The following KCNA4 variants were observed in gnomAD, a reference collection of about 807,000 sequenced individuals.
KCNA4 encodes potassium voltage-gated channel subfamily A member 4, also known as cardiac potassium channel.
In KCNA4, 5 loss-of-function variants were observed where a neutral mutation model predicts 37.2. The observed-to-expected ratio is 0.13, with a 90% CI of 0.07 to 0.28. The LOEUF (loss-of-function observed/expected upper bound fraction) is 0.28. Ranked by LOEUF, KCNA4 falls within the 10% of genes least tolerant of loss-of-function variation. The pLI is 1.00. For missense variants in KCNA4, 634 were observed against 817.4 expected (o/e 0.78, Z 2.74); for synonymous variants, 350 against 311.8 (o/e 1.12, Z -1.29).
chr11:30,014,549 C>T lies in KCNA4; in HGVS notation c.-782-1089G>A, dbSNP rs545571373. Among the ~76,000 whole-genome samples the T allele has an allele frequency of 8.6e-5, 13 of 152,040 alleles. 1 individual carries two copies. In the East Asian group the frequency reaches 2.3e-3, roughly 27 times the overall value. ...CTTACCCCCACTTCAATAAAATCCA[C>T]ATCCCTAACATCCCCCCTCCTCTCT... On this transcript the variant is annotated intron_variant, in intron 1 of 1. Coordinates refer to ENST00000328224, the MANE Select transcript of KCNA4 (RefSeq NM_002233.4).
rs1249860626 is a variant in KCNA4 at position 30,012,111 on chromosome 11, G to C, written c.568C>G (p.Gln190Glu). The C allele has an allele frequency of 6.2e-7, 1 of 1,614,156 alleles. No homozygotes were observed. Among genetic ancestry groups the C allele is most frequent in the African/African-American group, 1.3e-5 (1 of 75,048 alleles). The change falls in exon 2 of 2, where the codon CAA becomes GAA. Residue 190 changes from glutamine (Q) to glutamate (E), a missense_variant. By Grantham distance (29) the Gln-to-Glu change is conservative. Transcript: ENST00000328224. ...GGAAACTGGGCCAGAGTTTTCATTT[G>C]GGTCTCAAAGCGTAGGCCTGACACA... ...INVSGLRFETQMKTLAQFPET... is the reference protein window; with the variant it reads ...INVSGLRFETEMKTLAQFPET...
rs1285048225 is a variant in KCNA4, at chr11:30,011,737, G to A, written c.942C>T (p.Val314=). Residue 314 remains valine, a synonymous_variant, in exon 2 of 2, where the codon GTC becomes GTT. Transcript: ENST00000328224. The surrounding 1 kb of genome is among the most constrained non-coding windows in gnomAD (Gnocchi z 5.6). ...SPARGIAIVS[V]LVILISIVIF... The stretch of plus-strand genomic sequence containing the variant: ...TGACAATGGAGATTAAGATGACCAG[G>A]ACGGACACAATGGCTATGCCCCTTG... 6.2e-7 allele frequency: 1 copy of A among 1,613,920 alleles called. No homozygotes were observed. The highest frequency in any genetic ancestry group is 2.2e-5 in the East Asian group (1 of 44,880).
rs767355108 is a variant in KCNA4, at chr11:30,010,692, G to A, written c.*25C>T. ...AAATATATTTGGAGATGCTGAGGGG[G>A]GAGCAGTGGCAGGTGGAAAAAGATT... On this transcript the variant is annotated 3_prime_UTR_variant, in exon 2 of 2. Transcript: ENST00000328224. 1 of 1,568,504 alleles carries A rather than the reference G, an allele frequency of 6.4e-7. No homozygotes were observed. Among genetic ancestry groups the A allele is most frequent in the Non-Finnish European group, 8.6e-7 (1 of 1,160,628 alleles).
chr11:30,015,758 G>C (rs1338508815), intron 1 of KCNA4, among the ~76,000 whole-genome samples: 1 of 152,152 alleles, frequency 6.6e-6, no homozygotes, highest in Non-Finnish European at 1.5e-5. Context: ...CTTGTTAGGA[G>C]AATCTATTCA....
At position 30,012,574 on chromosome 11, in the gene KCNA4, G is replaced by A. The variant is rs570870742; in HGVS notation, c.105C>T (p.His35=). Reference sequence around the variant, plus strand: ...CAGCAGCTGCTGCAGCTGCCCTGGAGTGAGCAAGCCTCTCCCGCTCCCGGG... The same window carrying A: ...CAGCAGCTGCTGCAGCTGCCCTGGAATGAGCAAGCCTCTCCCGCTCCCGGG... The part of the protein sequence containing the change: ...ARARERERLA[H]SRAAAAAAVA... Residue 35 remains histidine, a synonymous_variant, in exon 2 of 2, where the codon CAC becomes CAT. Coordinates refer to ENST00000328224, the MANE Select transcript of KCNA4 (RefSeq NM_002233.4). The A allele has an allele frequency of 5.0e-6, 8 of 1,607,306 alleles. No individual in the cohort carries two copies. In the African/African-American group the frequency reaches 5.3e-5, roughly 11 times the overall value.
At chr11:30,013,761 T>C (rs971076642) in intron 1 of KCNA4, among the ~76,000 whole-genome samples, 3 of 152,210 alleles carry the variant, frequency 2.0e-5, no homozygotes, top group Non-Finnish European at 4.4e-5. Flanking sequence ...TCACCAATGC[T>C]AGGTCTTAAT....
At chr11:30,015,302 C>G (rs543265642) in intron 1 of KCNA4, among the ~76,000 whole-genome samples, 54 of 152,260 alleles carry the variant, frequency 3.5e-4, no homozygotes, top group African/African-American at 1.1e-3. Flanking sequence ...CCGGTACAGA[C>G]CAAATAGCCT....
intron 1 of KCNA4, among the ~76,000 whole-genome samples, chr11:30,013,948 T>A (rs527434802): frequency 2.1e-4 from 32 of 152,196 alleles, no homozygotes; most frequent in African/African-American, 5.5e-4. Flanking sequence ...GAAAAAAAAA[T>A]AATAATATTC....
Position 30,010,616 on chromosome 11 carries a change from T to C in KCNA4, c.*101A>G. 1 of 1,491,368 alleles carries C rather than the reference T, an allele frequency of 6.7e-7. No individual in the cohort carries two copies. Among genetic ancestry groups the C allele is most frequent in the Non-Finnish European group, 9.0e-7 (1 of 1,115,982 alleles). 92.4% of individuals were successfully genotyped at this position (1,491,368 alleles called of 1,614,324 possible). On this transcript the variant is annotated 3_prime_UTR_variant, in exon 2 of 2. Transcript: ENST00000328224. ...AACCATTAAATAGTGTACTACTGTA[T>C]GCATTGGATCATTTGCATATTTCAT...
At chr11:30,013,971 C>T (rs143614074) in intron 1 of KCNA4, among the ~76,000 whole-genome samples, 1 of 152,230 alleles carries the variant, frequency 6.6e-6, no homozygotes, top group Non-Finnish European at 1.5e-5. Flanking sequence ...ATTCTTTGTG[C>T]AGACAGCACC....
chr11:30,011,998 G>A lies in KCNA4; in HGVS notation c.681C>T (p.Ser227=). 17 of 1,614,130 alleles carry A rather than the reference G, an allele frequency of 1.1e-5. No individual in the cohort carries two copies. The highest frequency in any genetic ancestry group is 1.4e-5 in the Non-Finnish European group (17 of 1,180,026). Residue 227 remains serine (S), a synonymous_variant, in exon 2 of 2, where the codon AGC becomes AGT. Coordinates refer to ENST00000328224, the MANE Select transcript of KCNA4 (RefSeq NM_002233.4). This position sits in a 1 kb window ranked among gnomAD's most constrained non-coding sequence, Gnocchi z 5.6. The stretch of plus-strand genomic sequence containing the variant: ...GATAATAATACAAGATGGCATCAAA[G>A]CTGGGGCGGTTCCTGTCAAAAAAAT... ...NEYFFDRNRP[S]FDAILYYYQS...
Position 30,010,965 on chromosome 11 carries a change from C to T in KCNA4, c.1714G>A (p.Glu572Lys), listed in dbSNP as rs1850298060. Residue 572 changes from glutamate to lysine, a missense_variant, in exon 2 of 2, where the codon GAA becomes AAA. Glu to Lys is a moderately conservative substitution (Grantham distance 56). Around this residue, in one of 8 missense-constraint regions of KCNA4, gnomAD observed 91 missense variants for 95.8 expected, o/e 0.95. Coordinates refer to ENST00000328224, the MANE Select transcript of KCNA4 (RefSeq NM_002233.4). Reference sequence around the variant, plus strand: ...GTTAGCTGTGTCTGTTCCTCATTTTCAGTCTCTCTGTGGTAGAAATAGTTA... The same window carrying T: ...GTTAGCTGTGTCTGTTCCTCATTTTTAGTCTCTCTGTGGTAGAAATAGTTA... Reference protein sequence around the residue: ...NFNYFYHRETENEEQTQLTQN... With the variant: ...NFNYFYHRETKNEEQTQLTQN... The T allele has an allele frequency of 6.2e-7, 1 of 1,614,202 alleles. No individual in the cohort carries two copies. The highest frequency in any genetic ancestry group is 8.5e-7 in the Non-Finnish European group (1 of 1,180,036).
In KCNA4 at chr11:30,011,677, G is replaced by A. The variant is rs374525769; in HGVS notation, c.1002C>T (p.Asp334=). The change falls in exon 2 of 2, where the codon GAC becomes GAT. Residue 334 remains aspartate (D), a synonymous_variant. Coordinates refer to ENST00000328224, the MANE Select transcript of KCNA4 (RefSeq NM_002233.4). The surrounding 1 kb of genome is among the most constrained non-coding windows in gnomAD (Gnocchi z 5.6). ...FCLETLPEFR[D]DRDLVMALSA... is the part of the protein sequence containing the mutation. ...TCAGTGCCATGACGAGATCCCTGTC[G>A]TCCCTAAACTCAGGCAAGGTTTCCA... 269 of 1,614,086 alleles carry A rather than the reference G, an allele frequency of 1.7e-4. 1 individual carries two copies. In the African/African-American group the frequency reaches 1.8e-3, roughly 11 times the overall value.
chr11:30,015,981 T>C (rs577917696), intron 1 of KCNA4, among the ~76,000 whole-genome samples: 2 of 151,954 alleles, frequency 1.3e-5, no homozygotes, highest in South Asian at 2.1e-4. Context: ...TGTGTCACTG[T>C]CAGGGTGGTA....
rs753534545 is a variant in KCNA4 at position 30,010,343 on chromosome 11, G to A, written c.*374C>T. The stretch of plus-strand genomic sequence containing the variant: ...TCTTACATAGTAAATACTTCAAAAT[G>A]CCAACTTTTCCCTTCACTGCACAAT... On this transcript the variant is annotated 3_prime_UTR_variant, in exon 2 of 2. Coordinates refer to ENST00000328224, the MANE Select transcript of KCNA4 (RefSeq NM_002233.4). The A allele has an allele frequency of 5.0e-6, 1 of 200,476 alleles. No individual in the cohort carries two copies. The highest frequency in any genetic ancestry group is 2.3e-5 in the African/African-American group (1 of 43,134). The allele number at this position is 200,476 out of a possible 1,614,324, so 12.4% of individuals were successfully genotyped here. A position where few individuals can be genotyped will look rare whatever the true frequency, so the allele number is the denominator to read the frequency against.
Position 30,011,472 on chromosome 11 carries a change from T to C in KCNA4, c.1207A>G (p.Ile403Val). The C allele has an allele frequency of 6.2e-7, 1 of 1,614,168 alleles. No individual in the cohort carries two copies. The highest frequency in any genetic ancestry group is 8.5e-7 in the Non-Finnish European group (1 of 1,180,040). ...GAGACAATGTCAATGATGTTCATGA[T>C]GTTTTTGAAGAAGAGTGCTTGGCTG... ...CPSQALFFKNIMNIIDIVSIL... is the reference protein window; with the variant it reads ...CPSQALFFKNVMNIIDIVSIL... The change falls in exon 2 of 2, where the codon ATC becomes GTC. Residue 403 changes from isoleucine (I) to valine (V), a missense_variant. By Grantham distance (29) the Ile-to-Val change is conservative. Around this residue, in one of 8 missense-constraint regions of KCNA4, gnomAD observed 252 missense variants for 344.2 expected, o/e 0.73. Transcript: ENST00000328224. This position sits in a 1 kb window ranked among gnomAD's most constrained non-coding sequence, Gnocchi z 5.6.
intron 1 of KCNA4, among the ~76,000 whole-genome samples, chr11:30,015,360 T>C (rs979014802): frequency 3.3e-5 from 5 of 152,088 alleles, no homozygotes; most frequent in African/African-American, 7.2e-5. Flanking sequence ...CAATTATAAT[T>C]TCAATGAAGC....
chr11:30,016,676 TG>T lies in KCNA4; in HGVS notation c.-888del, dbSNP rs948928576. On this transcript the variant is annotated 5_prime_UTR_variant, in exon 1 of 2. Transcript: ENST00000328224. The stretch of plus-strand genomic sequence containing the variant: ...GGAGGAGGGGAAGAATGATCCTGGG[TG>T]GGGGGCGGGGGGTGGTAAAAGGAAT... 4 of 186,576 alleles carry T rather than the reference TG, an allele frequency of 2.1e-5. No homozygotes were observed. The highest frequency in any genetic ancestry group is 3.6e-5 in the Non-Finnish European group (4 of 112,200). The allele number at this position is 186,576 out of a possible 1,614,324, so 11.6% of individuals were successfully genotyped here. A position where few individuals can be genotyped will look rare whatever the true frequency, so the allele number is the denominator to read the frequency against.
Position 30,013,171 on chromosome 11 carries a change from C to T in KCNA4, c.-493G>A, listed in dbSNP as rs1379298285. On this transcript the variant is annotated 5_prime_UTR_variant, in exon 2 of 2. In the 5' UTR this introduces an upstream ATG that the reference lacks. Coordinates refer to ENST00000328224, the MANE Select transcript of KCNA4 (RefSeq NM_002233.4). ...TGCAAATAAGCCTTTACTGTTAGCA[C>T]TTGCCTTCTAGTGATGGCTCGAACC... 4 of 167,590 alleles carry T rather than the reference C, an allele frequency of 2.4e-5. No individual in the cohort carries two copies. The highest frequency in any genetic ancestry group is 4.8e-5 in the African/African-American group (2 of 41,476). 10.4% of individuals were successfully genotyped at this position (167,590 alleles called of 1,614,324 possible).
Sources: gnomAD v4.1 joint callset for allele counts (sites outside exome capture counted in the v4.1 genomes callset) on GRCh38, gnomAD v4.1.1 for gene constraint, gnomAD v4.1.1 regional missense constraint, Gnocchi (gnomAD v3.1) non-coding constraint, MANE v1.5 for transcripts, NCBI Gene and HGNC (gene_info 2026-07-23, HGNC 2026-07-21) for gene names.